ADAMTSL1: variants seen among roughly 807,000 people sequenced by gnomAD.
ADAMTSL1 encodes ADAMTS-like protein 1.
ADAMTSL1 carries 126 observed loss-of-function variants against 201.8 expected under a neutral mutation model. That is an observed-to-expected ratio of 0.62 (90% CI 0.54 to 0.72). The LOEUF (loss-of-function observed/expected upper bound fraction) is 0.72. Among genes scored for constraint, ADAMTSL1 ranks in the 30% least tolerant of loss-of-function variants. The probability of loss-of-function intolerance (pLI) is 0.00; values close to 1 mark genes in which losing one functional copy is unlikely to be tolerated. For missense variants in ADAMTSL1, 2,679 were observed against 2,277.8 expected, an observed-to-expected ratio of 1.18 and a Z score of -3.59; for synonymous variants, 1,121 against 903.4, an observed-to-expected ratio of 1.24 and a Z score of -4.32.
chr9:18,757,962 G>A (rs1819866594), intron 16 of ADAMTSL1, among the ~76,000 whole-genome samples: 1 of 152,188 alleles, frequency 6.6e-6, no homozygotes, highest in Non-Finnish European at 1.5e-5. Context: ...CACAGCTCTA[G>A]ACACTTTACA....
chr9:18,865,490 T>G (rs76522385), intron 23 of ADAMTSL1, among the ~76,000 whole-genome samples: 11,624 of 152,270 alleles, frequency 0.076, 617 homozygotes, highest in Middle Eastern at 0.2. Flanking sequence ...GAATAGTGCC[T>G]CAATAAACAT....
At chr9:18,823,199 G>A (rs558029316) in intron 21 of ADAMTSL1, among the ~76,000 whole-genome samples, 1 of 152,152 alleles carries the variant, frequency 6.6e-6, no homozygotes, top group Admixed American at 6.5e-5. Flanking sequence ...GAATCTGAGA[G>A]AGGTTTGCCA....
chr9:18,366,675 A>G (rs1836783896), intron 2 of ADAMTSL1, among the ~76,000 whole-genome samples: 1 of 119,154 alleles, frequency 8.4e-6, no homozygotes, highest in African/African-American at 3.4e-5. Context: ...TTTAAGACAG[A>G]GTCTCAGTCT....
intron 9 of ADAMTSL1, among the ~76,000 whole-genome samples, chr9:18,664,219 G>T (rs748883236): frequency 1.1e-4 from 16 of 152,170 alleles, no homozygotes; most frequent in Non-Finnish European, 2.1e-4. Flanking sequence ...TTCAGAAATT[G>T]CCATGAAATT....
intron 1 of ADAMTSL1, among the ~76,000 whole-genome samples, chr9:18,074,911 T>C (rs577808114): frequency 4.6e-5 from 7 of 152,180 alleles, no homozygotes; most frequent in Non-Finnish European, 1.0e-4. Flanking sequence ...GCATTTCCCC[T>C]CACTGGAAAG....
At chr9:18,555,747 A>T (rs1821071378) in intron 3 of ADAMTSL1, among the ~76,000 whole-genome samples, 1 of 151,930 alleles carries the variant, frequency 6.6e-6, no homozygotes, top group Non-Finnish European at 1.5e-5. Flanking sequence ...ATAAGAGGTG[A>T]CCATATTGGA....
At chr9:18,571,259 G>C (rs1038822341) in intron 3 of ADAMTSL1, among the ~76,000 whole-genome samples, 1 of 152,098 alleles carries the variant, frequency 6.6e-6, no homozygotes, top group Non-Finnish European at 1.5e-5. Context: ...CATATTAAGA[G>C]GTCTCTTAAT....
chr9:18,112,323 C>T lies in ADAMTSL1; in HGVS notation c.88-51539C>T, dbSNP rs559527114. Among the ~76,000 whole-genome samples the T allele has an allele frequency of 2.6e-4, 39 of 151,976 alleles. No homozygotes were observed. The South Asian group carries it at 5.4e-3, about 21-fold the overall frequency. ...GAAAGTGCAGTGGAGTTAATCTCCC[C>T]GAGGGGACGTACTCCATTAATAGGT... On this transcript the variant is annotated intron_variant, in intron 1 of 29. Coordinates refer to the ADAMTSL1 transcript ENST00000680146.
intron 1 of ADAMTSL1, among the ~76,000 whole-genome samples, chr9:18,498,304 A>G (rs2131890406): frequency 6.6e-6 from 1 of 151,270 alleles, no homozygotes; most frequent in African/African-American, 2.4e-5. Flanking sequence ...GTTAATCACC[A>G]TATTATGAGA....
At chr9:18,203,074 G>A (rs564500470) in intron 2 of ADAMTSL1, among the ~76,000 whole-genome samples, 137 of 152,200 alleles carry the variant, frequency 9.0e-4, no homozygotes, top group South Asian at 3.3e-3. Context: ...TTCCTGACCA[G>A]GTTATACCCA....
intron 3 of ADAMTSL1, among the ~76,000 whole-genome samples, chr9:18,571,373 A>C (rs1308403349): frequency 6.6e-6 from 1 of 152,192 alleles, no homozygotes; most frequent in African/African-American, 2.4e-5. Flanking sequence ...GGAGTTTGGA[A>C]CCATTTCAAA....
intron 15 of ADAMTSL1, among the ~76,000 whole-genome samples, chr9:18,736,926 C>G (rs1564192995): frequency 6.6e-6 from 1 of 152,168 alleles, no homozygotes; most frequent in East Asian, 1.9e-4. Context: ...AAACCCTCCT[C>G]TGTAAGCAGA....
In ADAMTSL1 at chr9:18,829,917, G is replaced by T. The variant is rs765355073; in HGVS notation, c.4189G>T (p.Val1397Leu). 1.9e-5 allele frequency: 31 copies of T among 1,613,912 alleles called. 1 individual carries two copies. The South Asian group carries it at 3.4e-4, about 18-fold the overall frequency. ...LAATGPNLPSVLTSPLGTQLV... is the reference protein window; with the variant it reads ...LAATGPNLPSLLTSPLGTQLV... Reference sequence around the variant, plus strand: ...TGCCACTGGACCGAACCTTCCTTCAGTGCTGACGTCTCCTCTGGGAACACA... The same window carrying T: ...TGCCACTGGACCGAACCTTCCTTCATTGCTGACGTCTCCTCTGGGAACACA... Residue 1397 changes from valine (V) to leucine (L), a missense_variant, in exon 23 of 29, where the codon GTG (valine) becomes TTG (leucine). Transcript: ENST00000380548.
At chr9:18,813,411 G>T (rs1823637568) in intron 20 of ADAMTSL1, among the ~76,000 whole-genome samples, 1 of 152,120 alleles carries the variant, frequency 6.6e-6, no homozygotes, top group South Asian at 2.1e-4. Context: ...AAATTGCTTT[G>T]TACAGTATGG....
chr9:18,535,162 G>C (rs181895624), intron 3 of ADAMTSL1, among the ~76,000 whole-genome samples: 3 of 152,248 alleles, frequency 2.0e-5, no homozygotes, highest in Non-Finnish European at 2.9e-5. Context: ...TTGTCACTTA[G>C]AAATTTCTTC....
intron 16 of ADAMTSL1, among the ~76,000 whole-genome samples, chr9:18,769,301 C>A (rs939709183): frequency 6.6e-6 from 1 of 152,212 alleles, no homozygotes; most frequent in Non-Finnish European, 1.5e-5. Context: ...CAAACTCTCA[C>A]GCTTTTTAAA....
chr9:18,112,383 A>G (rs1825061665), intron 1 of ADAMTSL1, among the ~76,000 whole-genome samples: 1 of 152,066 alleles, frequency 6.6e-6, no homozygotes, highest in Non-Finnish European at 1.5e-5. Flanking sequence ...CCCTGGTATG[A>G]TAACATTGAG....
intron 1 of ADAMTSL1, among the ~76,000 whole-genome samples, chr9:17,941,310 A>G (rs1002493407): frequency 6.6e-6 from 1 of 152,144 alleles, no homozygotes; most frequent in East Asian, 1.9e-4. Context: ...TTGGATTTTC[A>G]ATTTGGAGTT....
intron 2 of ADAMTSL1, among the ~76,000 whole-genome samples, chr9:18,207,680 T>C (rs1185432989): frequency 6.6e-6 from 1 of 152,206 alleles, no homozygotes; most frequent in Non-Finnish European, 1.5e-5. Context: ...GGTTCATATG[T>C]TAACTTTCGA....
Sources: gnomAD v4.1 joint callset for allele counts (sites outside exome capture counted in the v4.1 genomes callset) on GRCh38, gnomAD v4.1.1 for gene constraint, MANE v1.5 for transcripts, NCBI Gene and HGNC (gene_info 2026-07-23, HGNC 2026-07-21) for gene names.